Variants in RAP1GAP2 observed in about 807,000 individuals in gnomAD.
RAP1GAP2 encodes RAP1 GTPase activating protein 2.
Under a neutral mutation model 95.0 loss-of-function variants are expected in RAP1GAP2, and 27 were observed. That is an observed-to-expected ratio of 0.28 (90% confidence interval 0.21 to 0.39). The LOEUF is 0.39. RAP1GAP2 is among the 10% of genes least tolerant of loss of function. The probability of loss-of-function intolerance (pLI) is 1.00; values close to 1 mark genes in which losing one functional copy is unlikely to be tolerated. For synonymous variants in RAP1GAP2, 373 were observed against 380.9 expected (o/e 0.98, Z 0.24); for missense variants, 771 against 970.0 (o/e 0.79, Z 2.72).
exon 2 of RAP1GAP2, chr17:2,770,400 A>G (rs376752043): frequency 1.1e-4 from 42 of 398,712 alleles, no homozygotes; most frequent in African/African-American, 5.7e-4. Flanking sequence ...TACAGCCCGC[A>G]GCAGCATCGC....
At chr17:2,954,104 T>A (rs2044018906) in intron 3 of RAP1GAP2, among the ~76,000 whole-genome samples, 2 of 152,158 alleles carry the variant, frequency 1.3e-5, no homozygotes, top group Non-Finnish European at 2.9e-5. Context: ...CTGACTTTTG[T>A]CTTTTTTAAA....
intron 2 of RAP1GAP2, among the ~76,000 whole-genome samples, chr17:2,816,086 G>A (rs910797569): frequency 2.6e-5 from 4 of 152,162 alleles, no homozygotes; most frequent in Non-Finnish European, 5.9e-5. Context: ...GGAGCCCAAG[G>A]TGCCCCTTGT....
intron 1 of RAP1GAP2, chr17:2,800,244 C>T: frequency 1.0e-6 from 1 of 984,572 alleles, no homozygotes; most frequent in African/African-American, 1.7e-5. Flanking sequence ...CAGACTGGGC[C>T]AGTGATTTTA....
intron 17 of RAP1GAP2, among the ~76,000 whole-genome samples, chr17:3,014,048 G>A (rs1339944228): frequency 2.0e-5 from 3 of 152,202 alleles, no homozygotes; most frequent in African/African-American, 4.8e-5. Context: ...ACGGGAATAC[G>A]TCCTACGACA....
At chr17:2,785,401 G>GAAA (rs11419211) in intron 1 of RAP1GAP2, among the ~76,000 whole-genome samples, 20 of 142,238 alleles carry the variant, frequency 1.4e-4, no homozygotes, top group Admixed American at 2.1e-4. Context: ...CAAAAAGTTG[G>GAAA]AAAAAAAAAA....
At chr17:2,766,945 C>T (rs2068286656) in intron 1 of RAP1GAP2, among the ~76,000 whole-genome samples, 1 of 152,014 alleles carries the variant, frequency 6.6e-6, no homozygotes, top group East Asian at 1.9e-4. Flanking sequence ...CAGCAAATCC[C>T]CTGTGCCCCA....
chr17:2,861,607 A>G (rs2072394588), intron 2 of RAP1GAP2, among the ~76,000 whole-genome samples: 1 of 148,994 alleles, frequency 6.7e-6, no homozygotes, highest in Admixed American at 6.7e-5. Flanking sequence ...AGCTGGGATT[A>G]CTGGTACCCA....
At chr17:2,852,794 G>A (rs1465644303) in intron 2 of RAP1GAP2, among the ~76,000 whole-genome samples, 2 of 152,102 alleles carry the variant, frequency 1.3e-5, no homozygotes, top group African/African-American at 4.8e-5. Context: ...GCAGCACCTG[G>A]AAGTGGATGA....
At chr17:2,873,656 A>C (rs2072952803) in intron 2 of RAP1GAP2, among the ~76,000 whole-genome samples, 1 of 152,088 alleles carries the variant, frequency 6.6e-6, no homozygotes, top group African/African-American at 2.4e-5. Flanking sequence ...AAAACTCAAC[A>C]GACCAGTTTC....
intron 17 of RAP1GAP2, among the ~76,000 whole-genome samples, chr17:3,012,985 C>T (rs1263394070): frequency 6.6e-6 from 1 of 152,172 alleles, no homozygotes; most frequent in Non-Finnish European, 1.5e-5. Context: ...CTGAGCTCAC[C>T]CAGCCCTCCA....
intron 2 of RAP1GAP2, among the ~76,000 whole-genome samples, chr17:2,805,221 T>C (rs2069463166): frequency 6.6e-6 from 1 of 152,088 alleles, no homozygotes; most frequent in African/African-American, 2.4e-5. Flanking sequence ...GGATCCCTCT[T>C]CTCCAGTCCG....
chr17:2,980,460 C>A, intron 9 of RAP1GAP2, 95 bp downstream of exon 9: 3 of 1,297,036 alleles, frequency 2.3e-6, no homozygotes, highest in African/African-American at 1.5e-5. Context: ...GTAGGCTCAG[C>A]CCTTAGAGAA....
chr17:2,828,574 G>A (rs2070691420), intron 2 of RAP1GAP2, among the ~76,000 whole-genome samples: 1 of 152,118 alleles, frequency 6.6e-6, no homozygotes, highest in Admixed American at 6.6e-5. Flanking sequence ...GGGAAGAGCG[G>A]GTGGATGGGA....
intron 3 of RAP1GAP2, among the ~76,000 whole-genome samples, chr17:2,910,677 A>C (rs918749783): frequency 1.3e-5 from 2 of 152,192 alleles, no homozygotes; most frequent in African/African-American, 4.8e-5. Context: ...TGACTCTCCC[A>C]ACGCAACGCC....
chr17:2,996,697 T>C (rs1186267528), intron 13 of RAP1GAP2, among the ~76,000 whole-genome samples: 1 of 152,242 alleles, frequency 6.6e-6, no homozygotes, highest in African/African-American at 2.4e-5. Context: ...CTCAGTCTTA[T>C]GTGTGTTTCT....
intron 2 of RAP1GAP2, among the ~76,000 whole-genome samples, chr17:2,864,000 C>T (rs764298374): frequency 5.3e-5 from 8 of 151,812 alleles, no homozygotes; most frequent in Non-Finnish European, 7.4e-5. Flanking sequence ...TGCAGTGAGC[C>T]GAGATCGCGC....
chr17:2,944,883 T>C (rs1282406840), intron 3 of RAP1GAP2, among the ~76,000 whole-genome samples: 1 of 152,180 alleles, frequency 6.6e-6, no homozygotes. Context: ...TTTAATGCTA[T>C]TTTATTTTTT....
intron 3 of RAP1GAP2, among the ~76,000 whole-genome samples, chr17:2,932,086 G>A (rs1256316047): frequency 6.6e-6 from 1 of 152,200 alleles, no homozygotes; most frequent in East Asian, 1.9e-4. Context: ...CCAGTAATCC[G>A]TTGTCCCAGG....
At chr17:2,771,418 T>A (rs1183256267) in intron 2 of RAP1GAP2, among the ~76,000 whole-genome samples, 2 of 151,142 alleles carry the variant, frequency 1.3e-5, no homozygotes, top group Non-Finnish European at 2.9e-5. Context: ...CCACAGCGCT[T>A]CCCAAGGCCT....
Sources: gnomAD v4.1 joint callset for allele counts (sites outside exome capture counted in the v4.1 genomes callset) on GRCh38, gnomAD v4.1.1 for gene constraint, MANE v1.5 for transcripts, NCBI Gene and HGNC (gene_info 2026-07-23, HGNC 2026-07-21) for gene names.